SH3RF3: variants seen among roughly 807,000 people sequenced by gnomAD.
The protein encoded by SH3RF3 is E3 ubiquitin-protein ligase SH3RF3.
SH3RF3 carries 29 observed loss-of-function variants against 66.3 expected under a neutral mutation model. The observed-to-expected ratio is 0.44, with a 90% CI of 0.33 to 0.60. The LOEUF (loss-of-function observed/expected upper bound fraction) is 0.60, where lower values mean the gene tolerates loss of function less well. Ranked by LOEUF, SH3RF3 falls within the 20% of genes least tolerant of loss-of-function variation. The probability of loss-of-function intolerance (pLI) is 0.04; values close to 1 mark genes in which losing one functional copy is unlikely to be tolerated. For missense variants in SH3RF3, 1,194 were observed against 1,190.9 expected, an observed-to-expected ratio of 1.00 and a Z score of -0.04; for synonymous variants, 583 against 532.0, an observed-to-expected ratio of 1.10 and a Z score of -1.32.
chr2:109,401,813 C>T (rs985402400), intron 4 of SH3RF3, among the ~76,000 whole-genome samples: 1 of 152,220 alleles, frequency 6.6e-6, no homozygotes, highest in African/African-American at 2.4e-5. Context: ...CCTTTCTAAG[C>T]TCTCTGCAGT....
chr2:109,311,375 C>G (rs1681718314), intron 1 of SH3RF3, among the ~76,000 whole-genome samples: 1 of 125,638 alleles, frequency 8.0e-6, no homozygotes, highest in Non-Finnish European at 1.6e-5. Flanking sequence ...GACAAACCCA[C>G]AGCCAATATC....
chr2:109,177,694 A>G (rs1228538783), intron 1 of SH3RF3, among the ~76,000 whole-genome samples: 1 of 152,130 alleles, frequency 6.6e-6, no homozygotes, highest in Non-Finnish European at 1.5e-5. Context: ...GTAATCTAAA[A>G]ACTCTGAATA....
At chr2:109,228,232 G>A (rs758548097) in intron 1 of SH3RF3, among the ~76,000 whole-genome samples, 6 of 152,192 alleles carry the variant, frequency 3.9e-5, no homozygotes, top group Non-Finnish European at 8.8e-5. Flanking sequence ...CCCCAGGAAT[G>A]TGCTTGGTGG....
intron 1 of SH3RF3, among the ~76,000 whole-genome samples, chr2:109,196,410 C>G (rs1248397120): frequency 2.6e-5 from 4 of 152,200 alleles, no homozygotes; most frequent in African/African-American, 9.6e-5. Flanking sequence ...GGCGGGCAGC[C>G]TCCTGCTGTG....
intron 8 of SH3RF3, among the ~76,000 whole-genome samples, chr2:109,468,323 TAGGA>T (rs1284955539): frequency 1.3e-5 from 2 of 152,002 alleles, no homozygotes; most frequent in African/African-American, 4.8e-5. Flanking sequence ...TAGCTAAACA[TAGGA>T]AGGGGAATGC....
At chr2:109,185,733 C>T (rs1043826052) in intron 1 of SH3RF3, among the ~76,000 whole-genome samples, 1 of 152,254 alleles carries the variant, frequency 6.6e-6, no homozygotes, top group African/African-American at 2.4e-5. Flanking sequence ...AGACTTTAGA[C>T]AGACAAAACT....
chr2:109,396,753 C>T (rs1676159153), intron 3 of SH3RF3, among the ~76,000 whole-genome samples: 1 of 151,998 alleles, frequency 6.6e-6, no homozygotes, highest in Non-Finnish European at 1.5e-5. Context: ...GCCTCACATG[C>T]AAGGGCTTAG....
At chr2:109,359,503 TTAAG>T (rs1683012730) in intron 2 of SH3RF3, among the ~76,000 whole-genome samples, 4 of 152,270 alleles carry the variant, frequency 2.6e-5, no homozygotes, top group African/African-American at 9.6e-5. Flanking sequence ...ACACTTATAC[TTAAG>T]TATTTCATTT....
At chr2:109,417,244 T>A (rs986363946) in intron 4 of SH3RF3, among the ~76,000 whole-genome samples, 1 of 152,136 alleles carries the variant, frequency 6.6e-6, no homozygotes, top group Non-Finnish European at 1.5e-5. Context: ...CTCCCTCCCT[T>A]GGGGTGTCTC....
At chr2:109,187,655 G>T (rs1236075823) in intron 1 of SH3RF3, among the ~76,000 whole-genome samples, 1 of 152,184 alleles carries the variant, frequency 6.6e-6, no homozygotes, top group Non-Finnish European at 1.5e-5. Context: ...CTGGAGTTAT[G>T]CATGTACACT....
intron 4 of SH3RF3, among the ~76,000 whole-genome samples, chr2:109,414,450 G>T (rs1416077352): frequency 6.6e-6 from 1 of 152,044 alleles, no homozygotes; most frequent in East Asian, 1.9e-4. Flanking sequence ...GGTAAACCTG[G>T]CCCCTGTTAC....
At chr2:109,386,541 C>G (rs1052925548) in intron 3 of SH3RF3, among the ~76,000 whole-genome samples, 1 of 152,236 alleles carries the variant, frequency 6.6e-6, no homozygotes, top group Admixed American at 6.5e-5. Context: ...GGATCTTGGG[C>G]CTTGGTTTGC....
intron 1 of SH3RF3, among the ~76,000 whole-genome samples, chr2:109,156,521 C>T (rs1430807649): frequency 6.6e-6 from 1 of 152,020 alleles, no homozygotes; most frequent in Non-Finnish European, 1.5e-5. Flanking sequence ...TCTTGGCTCA[C>T]TGCAGCCTTT....
intron 2 of SH3RF3, among the ~76,000 whole-genome samples, chr2:109,358,985 T>A (rs1161752824): frequency 2.6e-5 from 4 of 152,004 alleles, no homozygotes; most frequent in Admixed American, 1.3e-4. Flanking sequence ...TATTTCTAGA[T>A]TTTTTGCATG....
chr2:109,291,302 T>C (rs915161875), intron 1 of SH3RF3, among the ~76,000 whole-genome samples: 1 of 151,066 alleles, frequency 6.6e-6, no homozygotes, highest in African/African-American at 2.4e-5. Flanking sequence ...TTTTTTGCAT[T>C]ATGCTTGAAG....
At chr2:109,156,134 T>C (rs533674861) in intron 1 of SH3RF3, among the ~76,000 whole-genome samples, 7 of 152,356 alleles carry the variant, frequency 4.6e-5, no homozygotes, top group African/African-American at 1.7e-4. Context: ...TCCCAATTTC[T>C]GCATTGTCTG....
intron 1 of SH3RF3, among the ~76,000 whole-genome samples, chr2:109,238,200 TA>T (rs796481997): frequency 6.9e-4 from 104 of 151,378 alleles, no homozygotes; most frequent in South Asian, 3.6e-3. Flanking sequence ...GCCTGTCTCT[TA>T]AAAAAAAATA....
intron 1 of SH3RF3, among the ~76,000 whole-genome samples, chr2:109,291,072 C>T (rs1461576344): frequency 6.6e-6 from 1 of 152,152 alleles, no homozygotes; most frequent in African/African-American, 2.4e-5. Flanking sequence ...CAAATAATCC[C>T]ATAGCTTCCT....
chr2:109,234,603 ATGTT>A (rs1279177131), intron 1 of SH3RF3, among the ~76,000 whole-genome samples: 1 of 152,196 alleles, frequency 6.6e-6, no homozygotes, highest in Non-Finnish European at 1.5e-5. Context: ...AAAACAATAA[ATGTT>A]TGTTTCTCAT....
Sources: allele counts gnomAD v4.1 joint callset (sites outside exome capture counted in the v4.1 genomes callset), GRCh38; gene constraint gnomAD v4.1.1; transcripts MANE v1.5; gene names NCBI Gene and HGNC (gene_info 2026-07-23, HGNC 2026-07-21).